Variants in CAMTA1 observed in about 807,000 individuals in gnomAD.
CAMTA1 encodes the protein calmodulin-binding transcription activator 1.
Under a neutral mutation model 170.9 loss-of-function variants are expected in CAMTA1, and 27 were observed. That is an observed-to-expected ratio of 0.16 (90% CI 0.12 to 0.22). The LOEUF (loss-of-function observed/expected upper bound fraction) is 0.22. Ranked by LOEUF, CAMTA1 falls within the 10% of genes least tolerant of loss-of-function variation. CAMTA1 has a pLI of 1.00. For missense variants in CAMTA1, 1,619 were observed against 2,217.2 expected, an observed-to-expected ratio of 0.73 and a Z score of 5.42; for synonymous variants, 833 against 891.5, an observed-to-expected ratio of 0.93 and a Z score of 1.17.
chr1:7,391,754 C>T (rs1471333378), intron 5 of CAMTA1, among the ~76,000 whole-genome samples: 1 of 152,158 alleles, frequency 6.6e-6, no homozygotes, highest in African/African-American at 2.4e-5. Context: ...TAAATGAAAT[C>T]ATACAGGATG....
intron 6 of CAMTA1, among the ~76,000 whole-genome samples, chr1:7,587,957 G>A (rs1279223551): frequency 1.3e-5 from 2 of 152,174 alleles, no homozygotes; most frequent in African/African-American, 4.8e-5. Flanking sequence ...GGCCCAGATG[G>A]CAGCTGTAGC....
chr1:7,735,430 G>A (rs1395352766), intron 12 of CAMTA1, among the ~76,000 whole-genome samples: 1 of 149,530 alleles, frequency 6.7e-6, no homozygotes, highest in African/African-American at 2.5e-5. Context: ...GGGTGACAGA[G>A]CGAGACTCTG....
chr1:7,601,516 G>A (rs1196379689), intron 6 of CAMTA1, among the ~76,000 whole-genome samples: 2 of 148,408 alleles, frequency 1.3e-5, no homozygotes, highest in African/African-American at 5.3e-5. Context: ...AGGCAGAGAT[G>A]CTCCTCACTT....
chr1:6,979,679 CGCT>C (rs1694083155), intron 3 of CAMTA1, among the ~76,000 whole-genome samples: 1 of 152,200 alleles, frequency 6.6e-6, no homozygotes, highest in Non-Finnish European at 1.5e-5. Context: ...GTTCTTAGAA[CGCT>C]GCTACCATCC....
chr1:7,104,247 A>G (rs370831750), intron 4 of CAMTA1, among the ~76,000 whole-genome samples: 1 of 88,990 alleles, frequency 1.1e-5, no homozygotes, highest in East Asian at 2.3e-4. Context: ...TGTACACACA[A>G]CACACATACA....
chr1:6,829,293 A>AG (rs1262066849), intron 3 of CAMTA1, among the ~76,000 whole-genome samples: 1 of 152,238 alleles, frequency 6.6e-6, no homozygotes, highest in Admixed American at 6.5e-5. Flanking sequence ...AGTCACTAAA[A>AG]GGAAGACTCT....
chr1:7,322,898 T>C (rs2149693088), intron 5 of CAMTA1, among the ~76,000 whole-genome samples: 1 of 152,084 alleles, frequency 6.6e-6, no homozygotes, highest in East Asian at 1.9e-4. Flanking sequence ...GTCATAAATT[T>C]CAGCTCCTCT....
intron 10 of CAMTA1, among the ~76,000 whole-genome samples, chr1:7,675,176 A>G (rs984383599): frequency 6.6e-6 from 1 of 152,146 alleles, no homozygotes; most frequent in African/African-American, 2.4e-5. Flanking sequence ...AGGGTAGGGG[A>G]AGTGCAAAGG....
chr1:7,200,672 G>A (rs1489655020), intron 4 of CAMTA1, among the ~76,000 whole-genome samples: 2 of 152,132 alleles, frequency 1.3e-5, no homozygotes, highest in Admixed American at 1.3e-4. Context: ...AAAATACTAC[G>A]GAAGCCATGT....
intron 3 of CAMTA1, among the ~76,000 whole-genome samples, chr1:6,916,644 C>T (rs1468538263): frequency 6.6e-6 from 1 of 152,182 alleles, no homozygotes; most frequent in African/African-American, 2.4e-5. Flanking sequence ...TTCTGAACAC[C>T]TGCTCTGTGT....
chr1:7,420,725 C>A (rs1355552855), intron 5 of CAMTA1, among the ~76,000 whole-genome samples: 1 of 152,220 alleles, frequency 6.6e-6, no homozygotes, highest in Admixed American at 6.5e-5. Context: ...TCAGCATATT[C>A]TTTGAGCCTC....
chr1:6,940,049 G>A (rs982315009), intron 3 of CAMTA1, among the ~76,000 whole-genome samples: 1 of 152,284 alleles, frequency 6.6e-6, no homozygotes, highest in African/African-American at 2.4e-5. Context: ...TGTCTAAGCA[G>A]AAGTGTGTTG....
At chr1:7,348,469 A>G (rs1004646218) in intron 5 of CAMTA1, among the ~76,000 whole-genome samples, 1 of 152,152 alleles carries the variant, frequency 6.6e-6, no homozygotes, top group African/African-American at 2.4e-5. Context: ...AGACAGCAGG[A>G]TGGGGCTGTG....
intron 5 of CAMTA1, among the ~76,000 whole-genome samples, chr1:7,262,418 C>T (rs556724911): frequency 1.1e-4 from 16 of 152,052 alleles, no homozygotes; most frequent in South Asian, 1.0e-3. Flanking sequence ...AAAAATTAGC[C>T]GGGCGTGGTG....
chr1:7,007,946 C>T lies in CAMTA1; in HGVS notation c.235-83358C>T, dbSNP rs1699247453. Among the ~76,000 whole-genome samples the T allele has an allele frequency of 6.6e-6, 1 of 152,156 alleles. No individual in the cohort carries two copies. The highest frequency in any genetic ancestry group is 2.4e-5 in the African/African-American group (1 of 41,430). The stretch of plus-strand genomic sequence containing the variant: ...TTCCATACAATTGAGTGACAGAGCC[C>T]TGCGTGGAAAGGGAGGCCCGTGTTG... On this transcript the variant is annotated intron_variant, in intron 3 of 22. Coordinates refer to ENST00000303635, the MANE Select transcript of CAMTA1 (RefSeq NM_015215.4). This position sits in a 1 kb window ranked among gnomAD's most constrained non-coding sequence, Gnocchi z 4.5.
intron 5 of CAMTA1, among the ~76,000 whole-genome samples, chr1:7,271,475 A>G (rs1251354195): frequency 1.3e-5 from 2 of 152,132 alleles, no homozygotes; most frequent in Non-Finnish European, 2.9e-5. Flanking sequence ...GAAATTGAGA[A>G]TGGAAAACAA....
intron 3 of CAMTA1, among the ~76,000 whole-genome samples, chr1:6,942,786 A>C (rs1686865630): frequency 6.6e-6 from 1 of 152,250 alleles, no homozygotes; most frequent in Admixed American, 6.5e-5. Flanking sequence ...TGATAGTCTG[A>C]GTGGCCCTGT....
chr1:7,735,190 C>G (rs2096761999), intron 12 of CAMTA1, among the ~76,000 whole-genome samples: 1 of 152,122 alleles, frequency 6.6e-6, no homozygotes, highest in African/African-American at 2.4e-5. Flanking sequence ...TCTAAGTGAT[C>G]TAATTCTCCT....
At chr1:7,180,816 C>G (rs568612274) in intron 4 of CAMTA1, among the ~76,000 whole-genome samples, 4 of 152,282 alleles carry the variant, frequency 2.6e-5, no homozygotes, top group South Asian at 2.1e-4. Context: ...CTGGTCCAAA[C>G]TTTCAAAGAC....
Sources: allele counts gnomAD v4.1 joint callset (sites outside exome capture counted in the v4.1 genomes callset), GRCh38; gene constraint gnomAD v4.1.1; non-coding constraint Gnocchi (gnomAD v3.1); transcripts MANE v1.5; gene names NCBI Gene and HGNC (gene_info 2026-07-23, HGNC 2026-07-21).